The following ADCY2 variants were observed in gnomAD, a reference collection of about 807,000 sequenced individuals.
ADCY2 encodes adenylate cyclase 2, also known as adenylate cyclase type 2.
In ADCY2, 31 loss-of-function variants were observed where a neutral mutation model predicts 125.2. The observed-to-expected ratio is 0.25, with a 90% CI of 0.19 to 0.33. The LOEUF (loss-of-function observed/expected upper bound fraction) is 0.33. Among genes scored for constraint, ADCY2 ranks in the 10% least tolerant of loss-of-function variants. ADCY2 has a pLI of 1.00. For missense variants in ADCY2, 904 were observed against 1,418.2 expected, an observed-to-expected ratio of 0.64 and a Z score of 5.82; for synonymous variants, 512 against 548.4, an observed-to-expected ratio of 0.93 and a Z score of 0.93.
chr5:7,718,595 C>T (rs1468149410), intron 12 of ADCY2, among the ~76,000 whole-genome samples: 4 of 152,050 alleles, frequency 2.6e-5, no homozygotes, highest in African/African-American at 9.7e-5. Context: ...GCATCTTGGT[C>T]AGGGAAGAGT....
rs933373734 is a variant in ADCY2 at position 7,633,187 on chromosome 5, T to A, written c.720+6871T>A. ...GGCTCATGCCTGTAATCCCAGCACT[T>A]TGGGAGGCCGAGGCGGGCGGATCAC... On this transcript the variant is annotated intron_variant, in intron 4 of 24. Coordinates refer to ENST00000338316, the MANE Select transcript of ADCY2 (RefSeq NM_020546.3). Among the ~76,000 whole-genome samples, 43 of 152,062 alleles carry A rather than the reference T, an allele frequency of 2.8e-4. 1 individual carries two copies. Among genetic ancestry groups the A allele is most frequent in the African/African-American group, 9.6e-4 (40 of 41,484 alleles).
At chr5:7,405,515 T>C (rs575644804) in intron 1 of ADCY2, among the ~76,000 whole-genome samples, 2 of 152,298 alleles carry the variant, frequency 1.3e-5, no homozygotes, top group African/African-American at 4.8e-5. Context: ...GCCAGGTCAC[T>C]TGGCTGTCTC....
At position 7,804,675 on chromosome 5, in the gene ADCY2, A is replaced by G. The variant is rs745996990; in HGVS notation, c.2866A>G (p.Ser956Gly). 1 of 1,614,140 alleles carries G rather than the reference A, an allele frequency of 6.2e-7. No homozygotes were observed. Among genetic ancestry groups the G allele is most frequent in the Non-Finnish European group, 8.5e-7 (1 of 1,179,980 alleles). The change falls in exon 22 of 25, where the codon AGC (serine) becomes GGC (glycine). Residue 956 changes from serine (S) to glycine (G), a missense_variant. This residue lies in a region of ADCY2 where 181 missense variants were observed against 381.6 expected (regional missense o/e 0.47). Transcript: ENST00000338316. Reference sequence around the variant, plus strand: ...AGCAACAGGTCTGAGCGCTGTGCCCAGCCAGGAGCACTCCCAGGTAAGACG... The same window carrying G: ...AGCAACAGGTCTGAGCGCTGTGCCCGGCCAGGAGCACTCCCAGGTAAGACG... ...MAATGLSAVP[S>G]QEHSQEPERQ...
At chr5:7,529,379 G>C (rs1356769554) in intron 3 of ADCY2, among the ~76,000 whole-genome samples, 1 of 152,190 alleles carries the variant, frequency 6.6e-6, no homozygotes, top group Non-Finnish European at 1.5e-5. Context: ...GGCAGGCTGG[G>C]AGCAGAGGGA....
intron 3 of ADCY2, among the ~76,000 whole-genome samples, chr5:7,537,855 G>A: frequency 6.6e-6 from 1 of 152,266 alleles, no homozygotes; most frequent in South Asian, 2.1e-4. Flanking sequence ...TCCTCACAGG[G>A]CCCTGATTGT....
At chr5:7,726,398 AGGGAAAGCAGGG>A in intron 13 of ADCY2, among the ~76,000 whole-genome samples, 1 of 152,200 alleles carries the variant, frequency 6.6e-6, no homozygotes, top group Admixed American at 6.5e-5. Context: ...TGATTAGTAC[AGGGAAAGCAGGG>A]AATGCAGGGC....
chr5:7,665,924 T>C lies in ADCY2; in HGVS notation c.721-24767T>C, dbSNP rs541096369. ...TGCCATCTCGGCTCACTGCAAGCTC[T>C]GCCTCCCGGGTTCACGCCATTCTCC... On this transcript the variant is annotated intron_variant, in intron 4 of 24. Coordinates refer to ENST00000338316, the MANE Select transcript of ADCY2 (RefSeq NM_020546.3). 1.5e-4 allele frequency among the ~76,000 whole-genome samples: 19 copies of C among 129,860 alleles called. No individual in the cohort carries two copies. The East Asian group carries it at 1.9e-3, about 13-fold the overall frequency. 85.2% of individuals were successfully genotyped at this position (129,860 alleles called of 152,430 possible). A position where few individuals can be genotyped will look rare whatever the true frequency, so the allele number is the denominator to read the frequency against.
chr5:7,599,078 A>G (rs1417905254), intron 3 of ADCY2, among the ~76,000 whole-genome samples: 2 of 152,214 alleles, frequency 1.3e-5, no homozygotes, highest in South Asian at 2.1e-4. Context: ...GGGACAGCCA[A>G]GGGGCAGGTA....
At position 7,737,902 on chromosome 5, in the gene ADCY2, G is replaced by C. The variant is rs996153347; in HGVS notation, c.1872-5766G>C. On this transcript the variant is annotated intron_variant, in intron 14 of 24. Coordinates refer to ENST00000338316, the MANE Select transcript of ADCY2 (RefSeq NM_020546.3). ...GACACTTGAACATCTTTAAACCACT[G>C]ATAGGAACATGATGAACCCTGAATT... Among the ~76,000 whole-genome samples, 8 of 152,124 alleles carry C rather than the reference G, an allele frequency of 5.3e-5. 1 individual carries two copies. Among genetic ancestry groups the C allele is most frequent in the African/African-American group, 1.7e-4 (7 of 41,416 alleles).
intron 3 of ADCY2, among the ~76,000 whole-genome samples, chr5:7,621,013 C>A (rs1737937247): frequency 6.6e-6 from 1 of 152,104 alleles, no homozygotes; most frequent in South Asian, 2.1e-4. Context: ...AGTTTGCCAC[C>A]CCAACATGAG....
chr5:7,438,176 G>C (rs756966526), intron 2 of ADCY2, among the ~76,000 whole-genome samples: 18 of 152,324 alleles, frequency 1.2e-4, no homozygotes, highest in African/African-American at 4.1e-4. Context: ...AGATGGAAAG[G>C]TGGTGGACAA....
chr5:7,645,486 C>A (rs1268658436), intron 4 of ADCY2, among the ~76,000 whole-genome samples: 1 of 152,180 alleles, frequency 6.6e-6, no homozygotes, highest in Non-Finnish European at 1.5e-5. Context: ...GATTAAAGGA[C>A]ATTCAACCTT....
At chr5:7,635,119 G>C (rs1738449753) in intron 4 of ADCY2, among the ~76,000 whole-genome samples, 1 of 152,166 alleles carries the variant, frequency 6.6e-6, no homozygotes, top group Admixed American at 6.5e-5. Flanking sequence ...GCAGGAGCCA[G>C]ACTACACGCT....
intron 2 of ADCY2, among the ~76,000 whole-genome samples, chr5:7,516,503 C>T (rs1744258576): frequency 6.6e-6 from 1 of 152,158 alleles, no homozygotes; most frequent in Admixed American, 6.5e-5. Context: ...GCTGCTCAGT[C>T]TGGGTCTGGG....
At chr5:7,647,708 G>C (rs934404824) in intron 4 of ADCY2, among the ~76,000 whole-genome samples, 3 of 152,188 alleles carry the variant, frequency 2.0e-5, no homozygotes, top group African/African-American at 7.2e-5. Context: ...CTAGTGTGTT[G>C]CCAGGCATTT....
At chr5:7,409,008 A>G (rs1739609805) in intron 1 of ADCY2, among the ~76,000 whole-genome samples, 1 of 152,252 alleles carries the variant, frequency 6.6e-6, no homozygotes, top group South Asian at 2.1e-4. Flanking sequence ...GACTGGATAA[A>G]GAAAATGTGG....
intron 3 of ADCY2, among the ~76,000 whole-genome samples, chr5:7,566,589 G>A (rs1042537015): frequency 2.0e-5 from 3 of 152,094 alleles, no homozygotes; most frequent in African/African-American, 7.2e-5. Flanking sequence ...TTCTTACTAA[G>A]TGTGTTTGTA....
At chr5:7,415,594 G>T (rs1166694192) in intron 2 of ADCY2, among the ~76,000 whole-genome samples, 1 of 152,084 alleles carries the variant, frequency 6.6e-6, no homozygotes, top group Non-Finnish European at 1.5e-5. Flanking sequence ...TCCTACTTCT[G>T]TGACACTGAT....
intron 17 of ADCY2, among the ~76,000 whole-genome samples, chr5:7,768,313 T>G (rs2126476162): frequency 6.6e-6 from 1 of 152,324 alleles, no homozygotes; most frequent in Non-Finnish European, 1.5e-5. Flanking sequence ...AATCTCACTG[T>G]GGGCCATTTG....
Sources: allele counts gnomAD v4.1 joint callset (sites outside exome capture counted in the v4.1 genomes callset), GRCh38; gene constraint gnomAD v4.1.1; regional missense constraint gnomAD v4.1.1; transcripts MANE v1.5; gene names NCBI Gene and HGNC (gene_info 2026-07-23, HGNC 2026-07-21).